The following DNM3 variants were observed in gnomAD, a reference collection of about 807,000 sequenced individuals.
DNM3 encodes dynamin-3.
Under a neutral mutation model 101.6 loss-of-function variants are expected in DNM3, and 47 were observed. That is an observed-to-expected ratio of 0.46 (90% CI 0.37 to 0.59). DNM3 has a LOEUF of 0.59. Ranked by LOEUF, DNM3 falls within the 20% of genes least tolerant of loss-of-function variation. DNM3 has a pLI of 0.00. For synonymous variants in DNM3, 385 were observed against 387.9 expected (o/e 0.99, Z 0.09); for missense variants, 849 against 1,085.7 (o/e 0.78, Z 3.06).
At chr1:172,007,501 TTAAG>T (rs2046776209) in intron 4 of DNM3, among the ~76,000 whole-genome samples, 1 of 152,134 alleles carries the variant, frequency 6.6e-6, no homozygotes, top group African/African-American at 2.4e-5. Flanking sequence ...CTTCTTAGGA[TTAAG>T]TAATGAGTTA....
At chr1:171,904,312 G>T (rs1355468732) in intron 1 of DNM3, among the ~76,000 whole-genome samples, 1 of 151,960 alleles carries the variant, frequency 6.6e-6, no homozygotes, top group Non-Finnish European at 1.5e-5. Context: ...TGTCTCAAAA[G>T]AAAAAATAAA....
At chr1:171,981,168 C>T (rs79530846) in intron 2 of DNM3, among the ~76,000 whole-genome samples, 2,157 of 152,268 alleles carry the variant, frequency 0.014, 51 homozygotes, top group African/African-American at 0.049. Context: ...TATAGTCATA[C>T]ATAGATGCTT....
At chr1:172,390,230 C>A (rs1406710881) in intron 20 of DNM3, among the ~76,000 whole-genome samples, 1 of 152,150 alleles carries the variant, frequency 6.6e-6, no homozygotes, top group African/African-American at 2.4e-5. Context: ...ATTGTGCCCT[C>A]AATATTACTA....
intron 17 of DNM3, among the ~76,000 whole-genome samples, chr1:172,373,599 ATCTTG>A (rs2068458831): frequency 6.6e-6 from 1 of 152,096 alleles, no homozygotes; most frequent in African/African-American, 2.4e-5. Context: ...TCTTTAAGCA[ATCTTG>A]ACTCTCTTTG....
intron 15 of DNM3, among the ~76,000 whole-genome samples, chr1:172,305,253 A>T (rs1484334458): frequency 6.6e-6 from 1 of 152,228 alleles, no homozygotes; most frequent in African/African-American, 2.4e-5. Flanking sequence ...TACTACAAAC[A>T]CATCTACACA....
chr1:172,137,202 T>A (rs1372726012), intron 14 of DNM3: 1 of 152,172 alleles, frequency 6.6e-6, no homozygotes, highest in Non-Finnish European at 1.5e-5. Context: ...GTACAAGGCA[T>A]TTAAGATTGG....
At chr1:172,190,930 A>G in intron 14 of DNM3, among the ~76,000 whole-genome samples, 1 of 152,072 alleles carries the variant, frequency 6.6e-6, no homozygotes, top group Non-Finnish European at 1.5e-5. Context: ...TTTGTCAGAC[A>G]GGTAGATTGT....
At chr1:172,225,867 T>A (rs2061098947) in intron 14 of DNM3, among the ~76,000 whole-genome samples, 1 of 151,568 alleles carries the variant, frequency 6.6e-6, no homozygotes, top group East Asian at 1.9e-4. Flanking sequence ...ATATATGAAT[T>A]ATATTATATA....
intron 14 of DNM3, among the ~76,000 whole-genome samples, chr1:172,176,440 A>T (rs1290428678): frequency 6.6e-6 from 1 of 151,816 alleles, no homozygotes; most frequent in African/African-American, 2.4e-5. Flanking sequence ...AGTTTGTGTT[A>T]ATTTGTTACT....
intron 14 of DNM3, among the ~76,000 whole-genome samples, chr1:172,176,348 G>C (rs902867303): frequency 1.3e-5 from 2 of 151,866 alleles, no homozygotes; most frequent in African/African-American, 4.8e-5. Flanking sequence ...GCTGGTCATA[G>C]GAATGCAGCT....
chr1:172,052,689 TTC>T (rs1419211814), intron 10 of DNM3, among the ~76,000 whole-genome samples: 1 of 152,134 alleles, frequency 6.6e-6, no homozygotes, highest in Non-Finnish European at 1.5e-5. Context: ...TCTTCCCTCT[TTC>T]TCTTTATTCC....
intron 15 of DNM3, among the ~76,000 whole-genome samples, chr1:172,265,814 CAG>C (rs1162080228): frequency 1.3e-5 from 2 of 152,156 alleles, no homozygotes; most frequent in African/African-American, 4.8e-5. Flanking sequence ...TGGTAGCCAA[CAG>C]AGAACTGTTT....
intron 10 of DNM3, among the ~76,000 whole-genome samples, chr1:172,058,952 A>G (rs541545670): frequency 1.3e-5 from 2 of 152,204 alleles, no homozygotes; most frequent in Non-Finnish European, 2.9e-5. Flanking sequence ...TGCTAGCAAG[A>G]CTAATAAAGG....
At chr1:172,352,055 A>G (rs2067224702) in intron 17 of DNM3, among the ~76,000 whole-genome samples, 1 of 152,202 alleles carries the variant, frequency 6.6e-6, no homozygotes, top group Non-Finnish European at 1.5e-5. Flanking sequence ...CATTATCCTG[A>G]CGTCTAAAAT....
intron 17 of DNM3, among the ~76,000 whole-genome samples, chr1:172,339,647 T>C (rs1439390332): frequency 6.6e-6 from 1 of 152,190 alleles, no homozygotes; most frequent in Non-Finnish European, 1.5e-5. Flanking sequence ...CACCTCCCAG[T>C]TGATATGTGA....
At chr1:172,153,575 C>T in intron 14 of DNM3, among the ~76,000 whole-genome samples, 1 of 140,958 alleles carries the variant, frequency 7.1e-6, no homozygotes, top group East Asian at 2.3e-4. Context: ...TTCCATCTTT[C>T]CTCCATTCAG....
chr1:171,841,756 A>T lies in DNM3; in HGVS notation c.100A>T (p.Ile34Phe). The T allele has an allele frequency of 6.2e-7, 1 of 1,610,746 alleles. No homozygotes were observed. Among genetic ancestry groups the T allele is most frequent in the East Asian group, 2.2e-5 (1 of 44,814 alleles). Reference sequence around the variant, plus strand: ...GAGCTGCCTGCTGGAGCTGCCGCAGATCGCCGTGGTGGGCGGCCAGAGCGC... The same window carrying T: ...GAGCTGCCTGCTGGAGCTGCCGCAGTTCGCCGTGGTGGGCGGCCAGAGCGC... ...GQSCLLELPQ[I>F]AVVGGQSAGK... Residue 34 changes from isoleucine to phenylalanine, a missense_variant, in exon 1 of 21, where the codon ATC (isoleucine) becomes TTC (phenylalanine). Ile to Phe is a conservative substitution (Grantham distance 21). Transcript: ENST00000627582.
At chr1:172,248,494 C>T (rs1242424113) in intron 14 of DNM3, among the ~76,000 whole-genome samples, 1 of 151,962 alleles carries the variant, frequency 6.6e-6, no homozygotes. Flanking sequence ...TAAAGATTGC[C>T]ATGCTAGATC....
chr1:171,898,464 T>C (rs1558232453), intron 1 of DNM3, among the ~76,000 whole-genome samples: 3 of 152,152 alleles, frequency 2.0e-5, no homozygotes, highest in African/African-American at 7.2e-5. Flanking sequence ...TAGAGATTTA[T>C]AAAATTTAAT....
Sources: allele counts gnomAD v4.1 joint callset (sites outside exome capture counted in the v4.1 genomes callset), GRCh38; gene constraint gnomAD v4.1.1; transcripts MANE v1.5; gene names NCBI Gene and HGNC (gene_info 2026-07-23, HGNC 2026-07-21).